TTC6: variants seen among roughly 807,000 people sequenced by gnomAD.
The protein encoded by TTC6 is tetratricopeptide repeat domain 6, also known as tetratricopeptide repeat protein 6.
A neutral mutation model predicts 210.4 loss-of-function variants in TTC6; 172 were observed. The ratio of observed to expected loss-of-function variants is 0.82; its 90% CI spans 0.72 to 0.93. The LOEUF is 0.93. Among genes scored for constraint, TTC6 ranks in the 40% least tolerant of loss-of-function variants. The pLI, the probability that TTC6 is intolerant of heterozygous loss-of-function variation, is 0.00. For missense variants in TTC6, 2,414 were observed against 2,318.1 expected (o/e 1.04, Z -0.85); for synonymous variants, 804 against 819.6 (o/e 0.98, Z 0.32).
intron 1 of TTC6, among the ~76,000 whole-genome samples, chr14:37,672,741 T>C (rs2095760691): frequency 6.6e-6 from 1 of 152,132 alleles, no homozygotes; most frequent in African/African-American, 2.4e-5. Flanking sequence ...GGCATTATCA[T>C]ATTCTGGAAA....
chr14:37,720,071 A>C (rs2138795959), intron 6 of TTC6, among the ~76,000 whole-genome samples: 1 of 152,334 alleles, frequency 6.6e-6, no homozygotes, highest in Non-Finnish European at 1.5e-5. Flanking sequence ...TATAGATGGC[A>C]AAGAAGCATA....
chr14:37,667,448 C>A (rs1174100240), intron 1 of TTC6, among the ~76,000 whole-genome samples: 1 of 150,242 alleles, frequency 6.7e-6, no homozygotes, highest in Non-Finnish European at 1.5e-5. Context: ...GGGCTCTGCT[C>A]ATCAAGCTTA....
intron 1 of TTC6, among the ~76,000 whole-genome samples, chr14:37,629,619 T>C (rs1018556922): frequency 2.6e-5 from 4 of 152,126 alleles, no homozygotes; most frequent in African/African-American, 9.7e-5. Flanking sequence ...GCCTGATTGC[T>C]CTGGCCAGAA....
At position 37,841,675 on chromosome 14, in the gene TTC6, A is replaced by T. The variant is rs1178420788; in HGVS notation, c.5524+5A>T. The T allele has an allele frequency of 9.4e-6, 15 of 1,589,144 alleles. No homozygotes were observed. Among genetic ancestry groups the T allele is most frequent in the Non-Finnish European group, 1.3e-5 (15 of 1,167,300 alleles). On this transcript the variant is annotated splice_donor_5th_base_variant and intron_variant, in intron 30 of 30. Coordinates refer to ENST00000553443, the Ensembl canonical transcript of TTC6. ...CTGAGGAAGACCTTAATAAAGGTAC[A>T]CTTTTGGTAATTATTCTGGTAAGAT...
chr14:37,666,850 T>G (rs2095749157), intron 1 of TTC6, among the ~76,000 whole-genome samples: 1 of 150,224 alleles, frequency 6.7e-6, no homozygotes, highest in Admixed American at 6.6e-5. Context: ...ATTTTGACTT[T>G]GGTGGGCCTC....
chr14:37,724,999 T>C, exon 7 of TTC6: 1 of 1,485,648 alleles, frequency 6.7e-7, no homozygotes, highest in Non-Finnish European at 9.0e-7. Context: ...ATCCAAAATA[T>C]GAGGTAACAT....
intron 2 of TTC6, among the ~76,000 whole-genome samples, chr14:37,614,515 A>G (rs2095639488): frequency 6.6e-6 from 1 of 152,122 alleles, no homozygotes; most frequent in Non-Finnish European, 1.5e-5. Context: ...TTACTCAGAC[A>G]TTTGACATTT....
intron 1 of TTC6, among the ~76,000 whole-genome samples, chr14:37,652,042 G>A (rs1373079381): frequency 6.6e-6 from 1 of 152,178 alleles, no homozygotes; most frequent in Middle Eastern, 3.2e-3. Flanking sequence ...GTGGGCAAAA[G>A]AGTGAGAAGC....
rs539382792 is a variant in TTC6 at position 37,771,923 on chromosome 14, A to G, written c.3267-15545A>G. On this transcript the variant is annotated intron_variant, in intron 14 of 30. Transcript: ENST00000553443. ...AGTTTTTCTGTTCTGTTTTTTCCCC[A>G]TCTTTGTGGTTTTATCTACTTTTGG... 2.9e-3 allele frequency among the ~76,000 whole-genome samples: 438 copies of G among 151,948 alleles called. 1 individual carries two copies. Among genetic ancestry groups the G allele is most frequent in the Non-Finnish European group, 3.5e-3 (235 of 67,962 alleles).
At chr14:37,842,353 T>G in exon 31 of TTC6, 5 of 1,392,344 alleles carry the variant, frequency 3.6e-6, no homozygotes, top group Non-Finnish European at 4.7e-6. Flanking sequence ...CGGAAACATA[T>G]TTGTTGTCTA....
intron 14 of TTC6, among the ~76,000 whole-genome samples, chr14:37,778,571 A>G (rs2096045181): frequency 6.6e-6 from 1 of 152,092 alleles, no homozygotes; most frequent in African/African-American, 2.4e-5. Flanking sequence ...GCACCTACAA[A>G]GTGATGAGGG....
At chr14:37,821,493 G>A (rs562460158) in intron 26 of TTC6, among the ~76,000 whole-genome samples, 7 of 152,286 alleles carry the variant, frequency 4.6e-5, no homozygotes, top group Admixed American at 3.3e-4. Flanking sequence ...ATTCCCATAT[G>A]TGGATGTTAA....
intron 1 of TTC6, among the ~76,000 whole-genome samples, chr14:37,649,624 A>G (rs1273225002): frequency 1.3e-5 from 2 of 152,112 alleles, no homozygotes. Flanking sequence ...CTGTAACTTT[A>G]TGCTCTGCGG....
chr14:37,697,165 C>A (rs1428987292), intron 4 of TTC6, among the ~76,000 whole-genome samples: 1 of 151,970 alleles, frequency 6.6e-6, no homozygotes, highest in African/African-American at 2.4e-5. Context: ...TGATTTGGAT[C>A]AATTGCTTAT....
At chr14:37,793,331 A>G (rs1417394698) in intron 17 of TTC6, among the ~76,000 whole-genome samples, 1 of 152,204 alleles carries the variant, frequency 6.6e-6, no homozygotes, top group Middle Eastern at 3.2e-3. Context: ...AGGATAAGCT[A>G]GGCTATACTG....
At chr14:37,840,248 G>T (rs1808860631) in intron 29 of TTC6, among the ~76,000 whole-genome samples, 1 of 152,090 alleles carries the variant, frequency 6.6e-6, no homozygotes, top group Non-Finnish European at 1.5e-5. Context: ...AGAAGAAATG[G>T]ATAAATTCCT....
chr14:37,602,323 A>G (rs1340944621), intron 1 of TTC6, among the ~76,000 whole-genome samples: 2 of 152,234 alleles, frequency 1.3e-5, no homozygotes, highest in African/African-American at 4.8e-5. Flanking sequence ...TATTCTACAT[A>G]AGATACAAAG....
intron 1 of TTC6, among the ~76,000 whole-genome samples, chr14:37,649,368 T>A (rs2095707120): frequency 6.6e-6 from 1 of 152,168 alleles, no homozygotes; most frequent in Admixed American, 6.5e-5. Context: ...TCTTTTTGTT[T>A]CCTTTGAGCT....
At chr14:37,718,510 A>G (rs1328363357) in intron 6 of TTC6, among the ~76,000 whole-genome samples, 2 of 152,166 alleles carry the variant, frequency 1.3e-5, no homozygotes, top group Non-Finnish European at 2.9e-5. Context: ...CTCTTATTCA[A>G]CATAGTGCTG....
Sources: allele counts gnomAD v4.1 joint callset (sites outside exome capture counted in the v4.1 genomes callset), GRCh38; gene constraint gnomAD v4.1.1; transcripts MANE v1.5; gene names NCBI Gene and HGNC (gene_info 2026-07-23, HGNC 2026-07-21).